The following BZW2 variants were observed in gnomAD, a reference collection of about 807,000 sequenced individuals.
BZW2 encodes basic leucine zipper and W2 domains 2.
A neutral mutation model predicts 53.2 loss-of-function variants in BZW2; 23 were observed. The ratio of observed to expected loss-of-function variants is 0.43; its 90% CI spans 0.31 to 0.61. BZW2 has a LOEUF of 0.61. Among genes scored for constraint, BZW2 ranks in the 20% least tolerant of loss-of-function variants. BZW2 has a pLI of 0.09. For synonymous variants in BZW2, 227 were observed against 186.4 expected, an observed-to-expected ratio of 1.22 and a Z score of -1.77; for missense variants, 409 against 503.1, an observed-to-expected ratio of 0.81 and a Z score of 1.79.
chr7:16,672,522 C>T (rs1782633917), intron 2 of BZW2, among the ~76,000 whole-genome samples: 1 of 152,070 alleles, frequency 6.6e-6, no homozygotes, highest in South Asian at 2.1e-4. Context: ...CAGTATCTTT[C>T]ACCTTTCTCT....
chr7:16,699,538 G>T (rs535991591), intron 10 of BZW2, among the ~76,000 whole-genome samples: 1 of 152,102 alleles, frequency 6.6e-6, no homozygotes, highest in Admixed American at 6.5e-5. Context: ...CAAACTGTTC[G>T]TAAACTAGTT....
At chr7:16,646,369 G>A (rs34841401) in intron 1 of BZW2, 81 bp downstream of exon 1, 2 of 163,592 alleles carry the variant, frequency 1.2e-5, no homozygotes, top group African/African-American at 4.8e-5. Context: ...GGTTTCCATC[G>A]GGCAGGAGCT....
chr7:16,677,319 G>T, intron 3 of BZW2, among the ~76,000 whole-genome samples: 1 of 152,140 alleles, frequency 6.6e-6, no homozygotes, highest in East Asian at 1.9e-4. Context: ...ATGTTTAAAG[G>T]TGGATGTGGT....
Position 16,704,507 on chromosome 7 carries a change from T to G in BZW2, c.1109-40T>G, listed in dbSNP as rs758159597. ...CATGAAGTTGTTTTGAAACATGACA[T>G]TTGTATAGTAACTTTGAAATCTTTG... is the stretch of plus-strand genomic sequence containing the variant. On this transcript the variant is annotated intron_variant, in intron 10 of 11. Coordinates refer to ENST00000258761, the MANE Select transcript of BZW2 (RefSeq NM_014038.3). 4 of 1,484,798 alleles carry G rather than the reference T, an allele frequency of 2.7e-6. No individual in the cohort carries two copies. The South Asian group carries it at 5.7e-5, about 21-fold the overall frequency. The allele number at this position is 1,484,798 out of a possible 1,614,324, so 92.0% of individuals were successfully genotyped here. A position where few individuals can be genotyped will look rare whatever the true frequency, so the allele number is the denominator to read the frequency against.
At chr7:16,682,318 C>CCAGT (rs1267259260) in intron 4 of BZW2, among the ~76,000 whole-genome samples, 1 of 152,158 alleles carries the variant, frequency 6.6e-6, no homozygotes, top group African/African-American at 2.4e-5. Context: ...ACTGTAGGGG[C>CCAGT]CAGTCATCCT....
rs1052512515 is a variant in BZW2, at chr7:16,664,730, C to G, written c.-7-707C>G. On this transcript the variant is annotated intron_variant, in intron 1 of 11. Coordinates refer to ENST00000258761, the MANE Select transcript of BZW2 (RefSeq NM_014038.3). ...TTTCATGTTCCATTTTTTATGTATA[C>G]AACAATGCTGCAACTAAATCCTTTT... Among the ~76,000 whole-genome samples, 10 of 152,272 alleles carry G rather than the reference C, an allele frequency of 6.6e-5. No individual in the cohort carries two copies. In the East Asian group the frequency reaches 1.4e-3, roughly 21 times the overall value.
At position 16,663,220 on chromosome 7, in the gene BZW2, A is replaced by G. The variant is rs555293284; in HGVS notation, c.-7-2217A>G. Among the ~76,000 whole-genome samples the G allele has an allele frequency of 4.6e-5, 7 of 152,346 alleles. No individual in the cohort carries two copies. The East Asian group carries it at 1.2e-3, about 25-fold the overall frequency. ...ATATGTTGCTGTTGCCCCCATACAC[A>G]TAAGCAATCAATTACTTTATTCTTA... On this transcript the variant is annotated intron_variant, in intron 1 of 11. Transcript: ENST00000258761.
intron 1 of BZW2, among the ~76,000 whole-genome samples, chr7:16,656,555 G>GCA (rs376412401): frequency 0.044 from 6,239 of 141,226 alleles, 145 homozygotes; most frequent in African/African-American, 0.058. Flanking sequence ...GCGCGCGCGC[G>GCA]CACACACACA....
chr7:16,685,733 C>T (rs1202710776), intron 5 of BZW2, among the ~76,000 whole-genome samples, 172 bp from the exon 6 acceptor site: 2 of 152,094 alleles, frequency 1.3e-5, no homozygotes, highest in Admixed American at 6.6e-5. Context: ...TCCACAGCAT[C>T]CAGTTTATCA....
At chr7:16,681,803 T>G (rs1340004780) in intron 4 of BZW2, among the ~76,000 whole-genome samples, 1 of 152,164 alleles carries the variant, frequency 6.6e-6, no homozygotes, top group Non-Finnish European at 1.5e-5. Flanking sequence ...CTGCTCAACC[T>G]TGGTGACAGA....
intron 7 of BZW2, among the ~76,000 whole-genome samples, chr7:16,692,721 G>A (rs1458214648): frequency 3.3e-5 from 5 of 152,254 alleles, no homozygotes; most frequent in East Asian, 1.9e-4. Flanking sequence ...CTAAGATCAC[G>A]CCACTTCACT....
chr7:16,647,741 T>G (rs1781902531), intron 1 of BZW2, among the ~76,000 whole-genome samples: 1 of 152,208 alleles, frequency 6.6e-6, no homozygotes, highest in African/African-American at 2.4e-5. Context: ...TAACATAGTA[T>G]CATGCGGAAG....
Position 16,706,245 on chromosome 7 carries a change from G to A in BZW2, c.*157G>A, listed in dbSNP as rs1474589664. On this transcript the variant is annotated 3_prime_UTR_variant, in exon 12 of 12. Transcript: ENST00000258761. ...CAGAGGGAGAAATGGTTTTGTTTTT[G>A]TTTTGTTTTTAAATGGAGCCCTGAG... 3 of 805,018 alleles carry A rather than the reference G, an allele frequency of 3.7e-6. No homozygotes were observed. The highest frequency in any genetic ancestry group is 5.8e-6 in the Non-Finnish European group (3 of 520,588). The allele number at this position is 805,018 out of a possible 1,614,324, so 49.9% of individuals were successfully genotyped here.
rs553211194 is a variant in BZW2 at position 16,687,816 on chromosome 7, G to C, written c.541+1776G>C. Among the ~76,000 whole-genome samples, 10 of 152,278 alleles carry C rather than the reference G, an allele frequency of 6.6e-5. No homozygotes were observed. The South Asian group carries it at 1.0e-3, about 16-fold the overall frequency. ...AAGGGAGATGGGATTATCCTACTCAGAGGAGTAACTATAAAGAAAGTTAAA... is the reference window on the plus strand; with the variant it reads ...AAGGGAGATGGGATTATCCTACTCACAGGAGTAACTATAAAGAAAGTTAAA... On this transcript the variant is annotated intron_variant, in intron 6 of 11. Coordinates refer to ENST00000258761, the MANE Select transcript of BZW2 (RefSeq NM_014038.3).
At chr7:16,685,755 A>G (rs1219027089) in intron 5 of BZW2, 150 bp from the exon 6 acceptor site, 3 of 988,354 alleles carry the variant, frequency 3.0e-6, no homozygotes, top group African/African-American at 3.3e-5. Context: ...GAAATGAATT[A>G]CTATGCTTTG....
intron 3 of BZW2, among the ~76,000 whole-genome samples, chr7:16,677,337 CCAGCTAGGCT>C (rs1782797278): frequency 6.6e-6 from 1 of 152,126 alleles, no homozygotes; most frequent in Non-Finnish European, 1.5e-5. Flanking sequence ...GGTCACCTTC[CCAGCTAGGCT>C]TAGGGATTCT....
chr7:16,701,564 A>G (rs983408139), intron 10 of BZW2, among the ~76,000 whole-genome samples: 3 of 152,170 alleles, frequency 2.0e-5, no homozygotes, highest in African/African-American at 7.2e-5. Flanking sequence ...AAGAGTTTCA[A>G]GTGACATAGT....
chr7:16,674,511 A>T lies in BZW2; in HGVS notation c.158A>T (p.Asp53Val), dbSNP rs1481585007. ...CTTGAAGCTGTAGCCAAATTTCTGG[A>T]CTCTACAGGCTCAAGATTAGATTAT... ...DDLEAVAKFL[D>V]STGSRLDYRR... Residue 53 changes from aspartate to valine, a missense_variant, in exon 3 of 12, where the codon GAC (aspartate) becomes GTC (valine). This residue lies in a region of BZW2 where 316 missense variants were observed against 366.8 expected (regional missense o/e 0.86). Transcript: ENST00000258761. 6.2e-7 allele frequency: 1 copy of T among 1,613,072 alleles called. No homozygotes were observed. The highest frequency in any genetic ancestry group is 8.5e-7 in the Non-Finnish European group (1 of 1,179,528).
chr7:16,646,640 G>A (rs1038121666), intron 1 of BZW2, among the ~76,000 whole-genome samples: 9 of 152,322 alleles, frequency 5.9e-5, no homozygotes, highest in African/African-American at 2.2e-4. Flanking sequence ...CTGGGGCCGG[G>A]GCTCTGGGCT....
Sources: allele counts gnomAD v4.1 joint callset (sites outside exome capture counted in the v4.1 genomes callset), GRCh38; gene constraint gnomAD v4.1.1; regional missense constraint gnomAD v4.1.1; transcripts MANE v1.5; gene names NCBI Gene and HGNC (gene_info 2026-07-23, HGNC 2026-07-21).